The following SLC49A3 variants were observed in gnomAD, a reference collection of about 807,000 sequenced individuals.
The protein encoded by SLC49A3 is solute carrier family 49 member A3.
SLC49A3 carries 50 observed loss-of-function variants against 43.8 expected under a neutral mutation model. The observed-to-expected ratio is 1.14, with a 90% CI of 0.91 to 1.45. The LOEUF (loss-of-function observed/expected upper bound fraction) is 1.45. Ranked by LOEUF, SLC49A3 falls within the 40% of genes most tolerant of loss-of-function variation. The pLI is 0.00. For missense variants in SLC49A3, 906 were observed against 774.1 expected, an observed-to-expected ratio of 1.17 and a Z score of -2.02; for synonymous variants, 413 against 352.0, an observed-to-expected ratio of 1.17 and a Z score of -1.94.
chr4:688,751 A>C, intron 1 of SLC49A3: 1 of 489,374 alleles, frequency 2.0e-6, no homozygotes, highest in Non-Finnish European at 3.4e-6. Context: ...AAGGCTGGGA[A>C]GGGCTGGGAC....
Position 684,491 on chromosome 4 carries a change from G to A in SLC49A3, c.832C>T (p.His278Tyr), listed in dbSNP as rs766983046. Residue 278 changes from histidine to tyrosine, a missense_variant, in exon 6 of 10, where the codon CAC becomes TAC. Coordinates refer to ENST00000322224, the MANE Select transcript of SLC49A3 (RefSeq NM_032219.4). ...GGTGGGGCCAGGCTCACACTGGAGT[G>A]GCCGCTTGCACAGAGGATCTGCTCC... Reference protein sequence around the residue: ...LLEQILCASGHSSGFSGLCGA... With the variant: ...LLEQILCASGYSSGFSGLCGA... 2.6e-5 allele frequency: 42 copies of A among 1,612,854 alleles called. No homozygotes were observed. The highest frequency in any genetic ancestry group is 9.3e-5 in the African/African-American group (7 of 74,904).
intron 1 of SLC49A3, among the ~76,000 whole-genome samples, chr4:687,578 C>T (rs1284879973): frequency 6.6e-6 from 1 of 152,248 alleles, no homozygotes; most frequent in African/African-American, 2.4e-5. Flanking sequence ...GCTCCAGCCT[C>T]AGCCCTGTCC....
chr4:679,393 G>A (rs367622727), downstream of SLC49A3, among the ~76,000 whole-genome samples: 13 of 152,216 alleles, frequency 8.5e-5, no homozygotes, highest in East Asian at 7.7e-4. Context: ...GACCCTGCCC[G>A]GCCAGACCAC....
rs753762979 is a variant in SLC49A3, at chr4:689,085, G to A, written c.43C>T (p.Arg15Trp). The A allele has an allele frequency of 1.3e-6, 2 of 1,538,356 alleles. No homozygotes were observed. Among genetic ancestry groups the A allele is most frequent in the East Asian group, 2.7e-5 (1 of 37,076 alleles). ...TEAETGLAEP[R>W]ALCAQRGHRT... ...TGGCCCCGCTGCGCGCACAGGGCCC[G>A]GGGCTCGGCCAACCCCGTCTCGGCC... The change falls in exon 1 of 10, where the codon CGG becomes TGG. Residue 15 changes from arginine to tryptophan, a missense_variant. Coordinates refer to ENST00000322224, the MANE Select transcript of SLC49A3 (RefSeq NM_032219.4).
intron 7 of SLC49A3, 60 bp downstream of exon 7, chr4:683,549 C>G: frequency 6.4e-7 from 1 of 1,561,648 alleles, no homozygotes; most frequent in Non-Finnish European, 8.7e-7. Flanking sequence ...CAACCGCCCT[C>G]TCCGGGCCTC....
downstream of SLC49A3, chr4:679,274 G>T (rs1381528246): frequency 7.5e-6 from 3 of 401,000 alleles, no homozygotes; most frequent in Non-Finnish European, 1.2e-5. Flanking sequence ...ACTCAGAGTG[G>T]GCTTTGAGGC....
downstream of SLC49A3, chr4:681,195 G>A (rs1364646542): frequency 1.3e-5 from 21 of 1,565,896 alleles, no homozygotes; most frequent in Non-Finnish European, 1.8e-5. Flanking sequence ...GGCTCCCGGG[G>A]TCAGCTGGGT....
chr4:680,751 GC>G, downstream of SLC49A3: 1 of 734,142 alleles, frequency 1.4e-6, no homozygotes, highest in Non-Finnish European at 2.2e-6. Context: ...TGAGTGGGAG[GC>G]CAGCCCTGCT....
downstream of SLC49A3, chr4:681,006 C>G (rs1419763388): frequency 3.4e-6 from 5 of 1,469,918 alleles, no homozygotes; most frequent in Non-Finnish European, 4.6e-6. Flanking sequence ...CGAGTACAAC[C>G]TGGGGCCCCT....
chr4:689,415 C>G, upstream of SLC49A3: 1 of 252,984 alleles, frequency 4.0e-6, no homozygotes, highest in Non-Finnish European at 7.5e-6. Flanking sequence ...CGGGAAGGGC[C>G]CCGGTCACAG....
downstream of SLC49A3, chr4:679,010 T>C (rs934218056): frequency 8.1e-6 from 13 of 1,613,620 alleles, no homozygotes; most frequent in African/African-American, 1.7e-4. Flanking sequence ...AAGGAGGACC[T>C]GAAGGACACC....
Position 685,220 on chromosome 4 carries a change from A to G in SLC49A3, c.586-364T>C. On this transcript the variant is annotated intron_variant, in intron 4 of 9. Transcript: ENST00000322224. The surrounding 1 kb of genome is among the most constrained non-coding windows in gnomAD (Gnocchi z 4.3). ...GTGCATACAGACTCACGCTCAGTACATACCCCCAAGCACAAACACACCACC... is the reference window on the plus strand; with the variant it reads ...GTGCATACAGACTCACGCTCAGTACGTACCCCCAAGCACAAACACACCACC... 1 of 349,616 alleles carries G rather than the reference A, an allele frequency of 2.9e-6. No individual in the cohort carries two copies. The highest frequency in any genetic ancestry group is 5.3e-6 in the Non-Finnish European group (1 of 188,166). The allele number at this position is 349,616 out of a possible 1,614,324, so 21.7% of individuals were successfully genotyped here.
chr4:678,186 G>A (rs1330024962), downstream of SLC49A3: 36 of 1,529,912 alleles, frequency 2.4e-5, no homozygotes, highest in Non-Finnish European at 1.2e-5. Flanking sequence ...GCATGAGCGT[G>A]TGTATGTGCG....
At position 683,286 on chromosome 4, in the gene SLC49A3, CG is replaced by C. The variant is rs755673785; in HGVS notation, c.1074del (p.Val359TrpfsTer21). 6.2e-7 allele frequency: 1 copy of C among 1,612,684 alleles called. No individual in the cohort carries two copies. The highest frequency in any genetic ancestry group is 1.7e-5 in the Admixed American group (1 of 59,992). On this transcript the variant is annotated frameshift_variant, in exon 8 of 10. Transcript: ENST00000322224. LOFTEE classifies it high-confidence loss of function. ...CACTCGACCGCCAACTCCATGGCCA[CG>C]GGGCCCACCGAGAAGCCAAACAGCC... ...LLGLFGFSVGPVAMELAVECS... is the reference protein window; with the variant it reads ...LLGLFGFSVGXVAMELAVECS...
chr4:680,596 C>G (rs1329672422), downstream of SLC49A3: 6 of 1,611,422 alleles, frequency 3.7e-6, no homozygotes, highest in Non-Finnish European at 5.1e-6. Context: ...TAGTGAGTGC[C>G]CGGGCGGCCA....
downstream of SLC49A3, chr4:681,092 C>T (rs761296199): frequency 3.1e-6 from 5 of 1,601,736 alleles, no homozygotes; most frequent in East Asian, 2.2e-5. Flanking sequence ...TCGTCCTCAG[C>T]ATCAAGCGTC....
At chr4:682,677 C>G (rs1330805412) in intron 9 of SLC49A3, 104 bp downstream of exon 9, 1 of 912,786 alleles carries the variant, frequency 1.1e-6, no homozygotes, top group Non-Finnish European at 1.6e-6. Context: ...ACCTGTCCTG[C>G]TGTTTAGGGC....
At position 685,172 on chromosome 4, in the gene SLC49A3, C is replaced by T. The variant is rs1740733529; in HGVS notation, c.586-316G>A. ...CCCATGATAGGGCTCAACACACAGA[C>T]ACAGGTGGGTGCAGAGGCACACGTG... On this transcript the variant is annotated intron_variant, in intron 4 of 9. Transcript: ENST00000322224. The surrounding 1 kb of genome is among the most constrained non-coding windows in gnomAD (Gnocchi z 4.3). 2 of 452,484 alleles carry T rather than the reference C, an allele frequency of 4.4e-6. No individual in the cohort carries two copies. The highest frequency in any genetic ancestry group is 4.2e-5 in the Admixed American group (1 of 23,924). The allele number at this position is 452,484 out of a possible 1,614,324, so 28.0% of individuals were successfully genotyped here.
rs552967269 is a variant in SLC49A3 at position 681,930 on chromosome 4, C to G, written c.*28G>C. 1 of 1,325,934 alleles carries G rather than the reference C, an allele frequency of 7.5e-7. No homozygotes were observed. 82.1% of individuals were successfully genotyped at this position (1,325,934 alleles called of 1,614,324 possible). ...TTCCAGTTCGCCTCCATCGATGTGG[C>G]GGGCAACCTGGACTACAAGGCGCTC... On this transcript the variant is annotated 3_prime_UTR_variant, in exon 10 of 10. Transcript: ENST00000322224.
Sources: gnomAD v4.1 joint callset for allele counts (sites outside exome capture counted in the v4.1 genomes callset) on GRCh38, gnomAD v4.1.1 for gene constraint, Gnocchi (gnomAD v3.1) non-coding constraint, MANE v1.5 for transcripts, NCBI Gene and HGNC (gene_info 2026-07-23, HGNC 2026-07-21) for gene names.